Variants in RTTN observed in about 807,000 individuals in gnomAD.
RTTN encodes rotatin.
Under a neutral mutation model 269.2 loss-of-function variants are expected in RTTN, and 182 were observed. The observed-to-expected ratio is 0.68, with a 90% CI of 0.60 to 0.76. RTTN has a LOEUF of 0.76. Ranked by LOEUF, RTTN falls within the 30% of genes least tolerant of loss-of-function variation. The pLI is 0.00. For missense variants in RTTN, 2,545 were observed against 2,608.6 expected (o/e 0.98, Z 0.53); for synonymous variants, 1,006 against 963.5 (o/e 1.04, Z -0.82).
chr18:70,028,302 T>C (rs1005484579), intron 43 of RTTN, among the ~76,000 whole-genome samples: 1 of 151,966 alleles, frequency 6.6e-6, no homozygotes, highest in African/African-American at 2.4e-5. Context: ...TCGGTGGATG[T>C]GGCCACACTA....
chr18:70,137,483 CCT>C (rs2060152635), intron 21 of RTTN, among the ~76,000 whole-genome samples: 1 of 152,106 alleles, frequency 6.6e-6, no homozygotes, highest in Non-Finnish European at 1.5e-5. Flanking sequence ...CACATACTCC[CCT>C]GTTTAACAAC....
Position 70,168,073 on chromosome 18 carries a change from A to C in RTTN, c.1689+782T>G, listed in dbSNP as rs192333397. Among the ~76,000 whole-genome samples the C allele has an allele frequency of 1.3e-3, 203 of 151,920 alleles. 1 individual carries two copies. In the East Asian group the frequency reaches 0.021, roughly 16 times the overall value. ...CAAGGCAGATGGATTGCTGGAGCCC[A>C]AGAGATCAAGGCTGTAGCCTAGGCA... On this transcript the variant is annotated intron_variant, in intron 12 of 48. Coordinates refer to ENST00000640769, the MANE Select transcript of RTTN (RefSeq NM_173630.4).
chr18:70,031,073 T>C (rs1037933743), intron 40 of RTTN, 92 bp from the exon 41 acceptor site: 1 of 775,084 alleles, frequency 1.3e-6, no homozygotes, highest in Middle Eastern at 3.4e-4. Flanking sequence ...TTAAAAGATA[T>C]TGCTAGGTTT....
chr18:70,105,813 A>G (rs2059306212), intron 28 of RTTN, among the ~76,000 whole-genome samples: 1 of 152,152 alleles, frequency 6.6e-6, no homozygotes, highest in African/African-American at 2.4e-5. Context: ...TAATAAAAAT[A>G]CAACAATAAA....
intron 10 of RTTN, among the ~76,000 whole-genome samples, chr18:70,181,954 G>GT (rs2061430705): frequency 6.6e-6 from 1 of 152,120 alleles, no homozygotes; most frequent in Admixed American, 6.6e-5. Context: ...GCAGCCAAAA[G>GT]TTAAAAGTGA....
At chr18:70,126,200 CT>C (rs2059860291) in intron 25 of RTTN, among the ~76,000 whole-genome samples, 1 of 152,104 alleles carries the variant, frequency 6.6e-6, no homozygotes, top group Admixed American at 6.6e-5. Flanking sequence ...GTTTGAGAGT[CT>C]TTCCTGTAAT....
chr18:70,081,051 T>G (rs1191987002), intron 32 of RTTN, among the ~76,000 whole-genome samples: 1 of 152,116 alleles, frequency 6.6e-6, no homozygotes, highest in Non-Finnish European at 1.5e-5. Flanking sequence ...GAGACTATTA[T>G]TCTAAGTGAA....
intron 28 of RTTN, 86 bp downstream of exon 28, chr18:70,109,412 A>G: frequency 1.1e-6 from 1 of 913,620 alleles, no homozygotes; most frequent in Admixed American, 1.9e-5. Flanking sequence ...TCTACATTGA[A>G]TAGAGTAACG....
intron 37 of RTTN, 77 bp from the exon 38 acceptor site, chr18:70,054,361 T>G: frequency 3.1e-6 from 4 of 1,303,398 alleles, no homozygotes; most frequent in Non-Finnish European, 4.2e-6. Context: ...ATTTTACTTT[T>G]GTAACACAAT....
chr18:70,132,901 C>CTCCGT (rs2060032485), intron 23 of RTTN, among the ~76,000 whole-genome samples: 1 of 152,050 alleles, frequency 6.6e-6, no homozygotes, highest in Non-Finnish European at 1.5e-5. Context: ...TACGGACAAA[C>CTCCGT]ATGATATTGA....
chr18:70,112,483 C>CAAAAAAAAAAAAAAAAAAAA (rs36147576), intron 27 of RTTN, among the ~76,000 whole-genome samples: 5 of 68,054 alleles, frequency 7.3e-5, no homozygotes, highest in Non-Finnish European at 1.0e-4. Context: ...AAATGGAAAG[C>CAAAAAAAAAAAAAAAAAAAA]AAAAAAAAAA....
intron 28 of RTTN, among the ~76,000 whole-genome samples, chr18:70,099,292 G>C (rs535447293): frequency 1.3e-5 from 2 of 152,158 alleles, no homozygotes; most frequent in African/African-American, 2.4e-5. Context: ...ATTCTGACTG[G>C]TGTGAGATGG....
chr18:70,163,083 A>AAC (rs1555766709), intron 14 of RTTN, among the ~76,000 whole-genome samples: 2 of 145,244 alleles, frequency 1.4e-5, no homozygotes, highest in African/African-American at 5.0e-5. Context: ...AAAAAAAAAA[A>AAC]AAAAAAAAAA....
chr18:70,031,755 G>A (rs2057018764), intron 40 of RTTN, among the ~76,000 whole-genome samples: 1 of 151,312 alleles, frequency 6.6e-6, no homozygotes, highest in African/African-American at 2.4e-5. Flanking sequence ...TGGGACACCA[G>A]GAAGACTGGC....
intron 10 of RTTN, among the ~76,000 whole-genome samples, chr18:70,182,481 G>A (rs2061441829): frequency 6.6e-6 from 1 of 152,042 alleles, no homozygotes; most frequent in African/African-American, 2.4e-5. Flanking sequence ...CCCTGACAAG[G>A]CAGCAAAAGG....
rs1197112410 is a variant in RTTN at position 70,029,272 on chromosome 18, T to C, written c.5746-471A>G. 4.6e-5 allele frequency among the ~76,000 whole-genome samples: 7 copies of C among 152,182 alleles called. 1 individual carries two copies. Among genetic ancestry groups the C allele is most frequent in the Non-Finnish European group, 1.0e-4 (7 of 68,024 alleles). On this transcript the variant is annotated intron_variant, in intron 42 of 48. Coordinates refer to ENST00000640769, the MANE Select transcript of RTTN (RefSeq NM_173630.4). ...TCTTAAATGCAGTAGAAACTAGTTA[T>C]TACATAGAGTGCTGCTATAACGGCC...
At chr18:70,079,954 T>G (rs544239239) in intron 32 of RTTN, among the ~76,000 whole-genome samples, 2 of 152,118 alleles carry the variant, frequency 1.3e-5, no homozygotes, top group Admixed American at 1.3e-4. Context: ...AAAAATGAAT[T>G]ATTGTCATAT....
intron 6 of RTTN, among the ~76,000 whole-genome samples, chr18:70,197,131 T>G (rs2061829692): frequency 6.6e-6 from 1 of 152,172 alleles, no homozygotes; most frequent in African/African-American, 2.4e-5. Flanking sequence ...GGAGCGAGAA[T>G]GCTGAGCCAT....
rs985758278 is a variant in RTTN at position 70,114,444 on chromosome 18, C to T, written c.3683+1G>A. The T allele has an allele frequency of 4.3e-6, 7 of 1,611,768 alleles. No homozygotes were observed. In the African/African-American group the frequency reaches 6.7e-5, roughly 15 times the overall value. On this transcript the variant is annotated splice_donor_variant, in intron 27 of 48. Coordinates refer to ENST00000640769, the MANE Select transcript of RTTN (RefSeq NM_173630.4). LOFTEE classifies it high-confidence loss of function. ...TAAACCTGCAATATTACAAATGGTA[C>T]CTGTCAGTAACTTCCATGAAATTGA...
Sources: gnomAD v4.1 joint callset for allele counts (sites outside exome capture counted in the v4.1 genomes callset) on GRCh38, gnomAD v4.1.1 for gene constraint, MANE v1.5 for transcripts, NCBI Gene and HGNC (gene_info 2026-07-23, HGNC 2026-07-21) for gene names.